Variants in TTC7B observed in about 807,000 individuals in gnomAD.
TTC7B encodes the protein tetratricopeptide repeat protein 7B.
A neutral mutation model predicts 106.8 loss-of-function variants in TTC7B; 28 were observed. The ratio of observed to expected loss-of-function variants is 0.26; its 90% CI spans 0.19 to 0.36. The LOEUF (loss-of-function observed/expected upper bound fraction) is 0.36, where lower values mean the gene tolerates loss of function less well. Among genes scored for constraint, TTC7B ranks in the 10% least tolerant of loss-of-function variants. The probability of loss-of-function intolerance (pLI) is 1.00; values close to 1 mark genes in which losing one functional copy is unlikely to be tolerated. For missense variants in TTC7B, 862 were observed against 1,076.4 expected, an observed-to-expected ratio of 0.80 and a Z score of 2.79; for synonymous variants, 405 against 430.6, an observed-to-expected ratio of 0.94 and a Z score of 0.74.
In TTC7B at chr14:90,805,494, C is replaced by T. The variant is rs2140060837; in HGVS notation, c.121+10681G>A. Among the ~76,000 whole-genome samples the T allele has an allele frequency of 6.6e-6, 1 of 152,280 alleles. No individual in the cohort carries two copies. Among genetic ancestry groups the T allele is most frequent in the South Asian group, 2.1e-4 (1 of 4,818 alleles). Reference sequence around the variant, plus strand: ...TTGGCCGGGCTGGTCTCGAAATCCTCACCTCAGGGGATCTACCCACCGTGG... The same window carrying T: ...TTGGCCGGGCTGGTCTCGAAATCCTTACCTCAGGGGATCTACCCACCGTGG... On this transcript the variant is annotated intron_variant, in intron 1 of 19. Transcript: ENST00000328459. This position sits in a 1 kb window ranked among gnomAD's most constrained non-coding sequence, Gnocchi z 4.0.
chr14:90,681,525 T>C (rs11850718), intron 7 of TTC7B, among the ~76,000 whole-genome samples: 16 of 152,212 alleles, frequency 1.1e-4, no homozygotes, highest in African/African-American at 3.9e-4. Context: ...TTACAAACAT[T>C]TGTTTTCTTT....
chr14:90,665,261 A>G (rs1343145931), intron 9 of TTC7B, among the ~76,000 whole-genome samples: 1 of 152,266 alleles, frequency 6.6e-6, no homozygotes, highest in Non-Finnish European at 1.5e-5. Context: ...CTAATCCCAG[A>G]TAACATTCAT....
At chr14:90,553,209 G>A (rs971855347) in intron 19 of TTC7B, among the ~76,000 whole-genome samples, 3 of 152,214 alleles carry the variant, frequency 2.0e-5, no homozygotes, top group South Asian at 2.1e-4. Context: ...CTGCTCACCC[G>A]GAACAGCTGA....
intron 17 of TTC7B, among the ~76,000 whole-genome samples, chr14:90,605,346 A>G (rs565149397): frequency 6.6e-6 from 1 of 152,362 alleles, no homozygotes; most frequent in South Asian, 2.1e-4. Context: ...GCAATATTCT[A>G]GAAAAACTTC....
intron 4 of TTC7B, among the ~76,000 whole-genome samples, chr14:90,731,570 C>T (rs1889331382): frequency 6.6e-6 from 1 of 152,170 alleles, no homozygotes; most frequent in African/African-American, 2.4e-5. Flanking sequence ...CGGATCCCAG[C>T]ATCTTATAGA....
At chr14:90,684,577 T>C (rs778701276) in intron 7 of TTC7B, among the ~76,000 whole-genome samples, 2 of 152,182 alleles carry the variant, frequency 1.3e-5, no homozygotes, top group Admixed American at 1.3e-4. Context: ...TGAAGAAATA[T>C]GGGTGAATAG....
At chr14:90,631,136 G>A (rs989170384) in intron 15 of TTC7B, among the ~76,000 whole-genome samples, 1 of 152,086 alleles carries the variant, frequency 6.6e-6, no homozygotes, top group Non-Finnish European at 1.5e-5. Flanking sequence ...ACCCAGCCAT[G>A]TCCTTCCTTC....
At chr14:90,648,544 G>A (rs1885573442) in intron 13 of TTC7B, 2 of 151,848 alleles carry the variant, frequency 1.3e-5, no homozygotes, top group Admixed American at 1.3e-4. Flanking sequence ...TAGACCCGGG[G>A]TTTCAACATG....
intron 13 of TTC7B, among the ~76,000 whole-genome samples, chr14:90,649,378 G>A (rs976360827): frequency 6.6e-6 from 1 of 152,174 alleles, no homozygotes; most frequent in African/African-American, 2.4e-5. Context: ...TTCCCGTGGA[G>A]CAACTTCAGC....
At chr14:90,746,470 T>A (rs1023417892) in intron 3 of TTC7B, among the ~76,000 whole-genome samples, 1 of 152,196 alleles carries the variant, frequency 6.6e-6, no homozygotes, top group Non-Finnish European at 1.5e-5. Flanking sequence ...TTCTTCCTGA[T>A]ATCAGAGGTT....
intron 11 of TTC7B, among the ~76,000 whole-genome samples, chr14:90,655,510 C>T (rs192896234): frequency 6.7e-4 from 102 of 152,320 alleles, no homozygotes; most frequent in African/African-American, 2.3e-3. Context: ...TCTTTCCCCC[C>T]CTACCCAGGA....
intron 19 of TTC7B, among the ~76,000 whole-genome samples, chr14:90,557,584 G>A (rs1890374214): frequency 6.6e-6 from 1 of 152,250 alleles, no homozygotes; most frequent in South Asian, 2.1e-4. Flanking sequence ...CTTCCTGGAG[G>A]AGGGTCCTTG....
chr14:90,657,260 C>T lies in TTC7B; in HGVS notation c.1255G>A (p.Val419Met). The change falls in exon 11 of 20, where the codon GTG becomes ATG. Residue 419 changes from valine (V) to methionine (M), a missense_variant. Val to Met is a conservative substitution (Grantham distance 21). Coordinates refer to ENST00000328459, the MANE Select transcript of TTC7B (RefSeq NM_001010854.2). This position sits in a 1 kb window ranked among gnomAD's most constrained non-coding sequence, Gnocchi z 4.2. The part of the protein sequence containing the change: ...AAGKSARAVK[V>M]LKECIRLKPD... ...TTCAGGCGGATACACTCTTTCAGCA[C>T]CTTCACGGCACGGGCAGACTTGGCA... 1 of 1,613,962 alleles carries T rather than the reference C, an allele frequency of 6.2e-7. No individual in the cohort carries two copies. Among genetic ancestry groups the T allele is most frequent in the Non-Finnish European group, 8.5e-7 (1 of 1,179,998 alleles).
intron 15 of TTC7B, among the ~76,000 whole-genome samples, chr14:90,629,174 A>T (rs1223383464): frequency 2.0e-5 from 3 of 152,158 alleles, no homozygotes; most frequent in Non-Finnish European, 4.4e-5. Context: ...TCAGCTCAGG[A>T]TCCCCACAAG....
intron 15 of TTC7B, among the ~76,000 whole-genome samples, chr14:90,638,144 C>T (rs1364621151): frequency 2.0e-5 from 3 of 152,016 alleles, no homozygotes; most frequent in Non-Finnish European, 4.4e-5. Context: ...CTTAGCCTCT[C>T]AAAGTGCTGG....
At chr14:90,776,626 G>A (rs990132298) in intron 3 of TTC7B, among the ~76,000 whole-genome samples, 1 of 152,186 alleles carries the variant, frequency 6.6e-6, no homozygotes, top group African/African-American at 2.4e-5. Flanking sequence ...GGAACCAAGG[G>A]CAGGAGTACA....
rs77614090 is a variant in TTC7B, at chr14:90,688,756, G to A, written c.950+784C>T. Among the ~76,000 whole-genome samples the A allele has an allele frequency of 1.8e-4, 27 of 151,696 alleles. No individual in the cohort carries two copies. In the East Asian group the frequency reaches 2.7e-3, roughly 15 times the overall value. ...CTGGAAGGCAGAGGTTGCAGATTGC[G>A]CCACTGCACTCCAGCATGGACAAAA... On this transcript the variant is annotated intron_variant, in intron 7 of 19. Transcript: ENST00000328459.
intron 3 of TTC7B, among the ~76,000 whole-genome samples, chr14:90,780,362 C>A (rs923104319): frequency 1.4e-5 from 2 of 140,004 alleles, no homozygotes; most frequent in African/African-American, 5.3e-5. Context: ...GCCTGGGCAA[C>A]AAGAGCAAAA....
At position 90,646,936 on chromosome 14, in the gene TTC7B, A is replaced by AGCAAG; in HGVS notation, c.1590+14_1590+15insCTTGC. The AGCAAG allele has an allele frequency of 6.2e-7, 1 of 1,611,672 alleles. No homozygotes were observed. Among genetic ancestry groups the AGCAAG allele is most frequent in the Non-Finnish European group, 8.5e-7 (1 of 1,177,704 alleles). On this transcript the variant is annotated intron_variant, in intron 14 of 19. Coordinates refer to ENST00000328459, the MANE Select transcript of TTC7B (RefSeq NM_001010854.2). ...ACAGAGTGCAGCAAGTATAGGAAAC[A>AGCAAG]TTAGAGAAACTGACCTGTCTGGAGA... is the stretch of plus-strand genomic sequence containing the variant.
Sources: gnomAD v4.1 joint callset for allele counts (sites outside exome capture counted in the v4.1 genomes callset) on GRCh38, gnomAD v4.1.1 for gene constraint, Gnocchi (gnomAD v3.1) non-coding constraint, MANE v1.5 for transcripts, NCBI Gene and HGNC (gene_info 2026-07-23, HGNC 2026-07-21) for gene names.